The following SPATA20 variants were observed in gnomAD, a reference collection of about 807,000 sequenced individuals.
The protein encoded by SPATA20 is spermatogenesis-associated protein 20.
Under a neutral mutation model 98.9 loss-of-function variants are expected in SPATA20, and 74 were observed. That is an observed-to-expected ratio of 0.75 (90% CI 0.62 to 0.91). SPATA20 has a LOEUF of 0.91. Ranked by LOEUF, SPATA20 falls within the 40% of genes least tolerant of loss-of-function variation. The pLI is 0.00. For missense variants in SPATA20, 1,016 were observed against 1,069.8 expected, an observed-to-expected ratio of 0.95 and a Z score of 0.70; for synonymous variants, 430 against 440.5, an observed-to-expected ratio of 0.98 and a Z score of 0.30.
At position 50,555,355 on chromosome 17, in the gene SPATA20, G is replaced by GC. The variant is rs1173617157; in HGVS notation, c.2238+48dup. The GC allele has an allele frequency of 1.9e-6, 3 of 1,598,906 alleles. No homozygotes were observed. The African/African-American group carries it at 4.0e-5, about 21-fold the overall frequency. ...CCCAATCTGCCACCTCCCCAGAGCT[G>GC]CCCCCTCCCATCCTCAGCTCCTCAA... On this transcript the variant is annotated intron_variant, in intron 16 of 16. Coordinates refer to ENST00000006658, the MANE Select transcript of SPATA20 (RefSeq NM_022827.4).
intron 2 of SPATA20, 199 bp from the exon 3 acceptor site, chr17:50,548,084 A>T: frequency 6.6e-7 from 1 of 1,505,324 alleles, no homozygotes; most frequent in Non-Finnish European, 8.8e-7. Context: ...AGGAGCCCCC[A>T]ATGAGCCACC....
intron 14 of SPATA20, among the ~76,000 whole-genome samples, chr17:50,553,404 G>A (rs2035045847): frequency 6.6e-6 from 1 of 151,992 alleles, no homozygotes; most frequent in East Asian, 1.9e-4. Flanking sequence ...GAGGGGCCAT[G>A]TGGCCATGGA....
chr17:50,550,310 C>A lies in SPATA20; in HGVS notation c.1096C>A (p.Gln366Lys). Residue 366 changes from glutamine to lysine, a missense_variant and splice_region_variant, in exon 9 of 17, where the codon CAG becomes AAG. Physicochemically the swap from Gln to Lys is moderately conservative, Grantham distance 53. Transcript: ENST00000006658. ...QLAVAYSQAFQLSGDEFYSDV... is the reference protein window; with the variant it reads ...QLAVAYSQAFKLSGDEFYSDV... Reference sequence around the variant, plus strand: ...CGCTGTGGCCTATTCGCAGGCCTTCCAGGTGACCCCTGACCCCAGCCCAGA... The same window carrying A: ...CGCTGTGGCCTATTCGCAGGCCTTCAAGGTGACCCCTGACCCCAGCCCAGA... The A allele has an allele frequency of 6.3e-7, 1 of 1,578,542 alleles. No individual in the cohort carries two copies. Among genetic ancestry groups the A allele is most frequent in the South Asian group, 1.2e-5 (1 of 85,792 alleles).
In SPATA20 at chr17:50,555,707, A is replaced by G. The variant is rs1428179576; in HGVS notation, c.*45A>G. 7.7e-6 allele frequency: 12 copies of G among 1,563,446 alleles called. No individual in the cohort carries two copies. The East Asian group carries it at 9.0e-5, about 12-fold the overall frequency. On this transcript the variant is annotated 3_prime_UTR_variant, in exon 17 of 17. Coordinates refer to ENST00000006658, the MANE Select transcript of SPATA20 (RefSeq NM_022827.4). The stretch of plus-strand genomic sequence containing the variant: ...GTGGGGCAGAAGGTGAAGCATCCCA[A>G]CTGACTAGAGACTCAGGCCCTGCAG...
In SPATA20 at chr17:50,548,589, G is replaced by A; in HGVS notation, c.332G>A (p.Arg111Lys). The A allele has an allele frequency of 6.2e-7, 1 of 1,613,626 alleles. No individual in the cohort carries two copies. The highest frequency in any genetic ancestry group is 1.1e-5 in the South Asian group (1 of 91,070). ...GGACAGGAAGCCTTCGACAAGGCCA[G>A]GAAGGAAAACAAGCCGATTTTCCTC... Reference protein sequence around the residue: ...PWGQEAFDKARKENKPIFLSV... With the variant: ...PWGQEAFDKAKKENKPIFLSV... Residue 111 changes from arginine (R) to lysine (K), a missense_variant, in exon 4 of 17, where the codon AGG becomes AAG. Arg to Lys is a conservative substitution (Grantham distance 26). Transcript: ENST00000006658.
In SPATA20 at chr17:50,547,727, G is replaced by A; in HGVS notation, c.85G>A (p.Gly29Arg). ...AGGTCTCTGATTCCCTAGGTGTCCTGGAGTCTGGCCCAGGACCTGGCCCCA... is the reference window on the plus strand; with the variant it reads ...AGGTCTCTGATTCCCTAGGTGTCCTAGAGTCTGGCCCAGGACCTGGCCCCA... ...AGLAASRRCP[G>R]VWPRTWPHRS... The change falls in exon 2 of 17, where the codon GGA becomes AGA. Residue 29 changes from glycine to arginine, a missense_variant. Physicochemically the swap from Gly to Arg is moderately radical, Grantham distance 125. Transcript: ENST00000006658. The A allele has an allele frequency of 1.3e-6, 1 of 781,382 alleles. No individual in the cohort carries two copies. The highest frequency in any genetic ancestry group is 2.4e-6 in the Non-Finnish European group (1 of 418,558). The allele number at this position is 781,382 out of a possible 1,614,324, so 48.4% of individuals were successfully genotyped here. A position where few individuals can be genotyped will look rare whatever the true frequency, so the allele number is the denominator to read the frequency against.
At chr17:50,551,226 G>T (rs746385212) in intron 12 of SPATA20, 36 bp downstream of exon 12, 1 of 1,558,552 alleles carries the variant, frequency 6.4e-7, no homozygotes, top group Non-Finnish European at 8.7e-7. Context: ...CCTGTCTGTA[G>T]GATCCCCCTT....
chr17:50,550,181 C>G (rs2034988541), intron 8 of SPATA20, 27 bp from the exon 9 acceptor site: 1 of 1,611,836 alleles, frequency 6.2e-7, no homozygotes, highest in Non-Finnish European at 8.5e-7. Context: ...GAAGCTGGGA[C>G]TGGCCTCCAG....
chr17:50,552,051 A>G lies in SPATA20; in HGVS notation c.1828A>G (p.Ser610Gly). 6.2e-7 allele frequency: 1 copy of G among 1,613,782 alleles called. No homozygotes were observed. The highest frequency in any genetic ancestry group is 8.5e-7 in the Non-Finnish European group (1 of 1,179,958). ...LLDLYEASQE[S>G]AWLEWALRLQ... ...GGACCTGTATGAGGCCTCACAGGAGAGTGCGTGGCTCGAGTGGGCTCTGCG... is the reference window on the plus strand; with the variant it reads ...GGACCTGTATGAGGCCTCACAGGAGGGTGCGTGGCTCGAGTGGGCTCTGCG... The change falls in exon 14 of 17, where the codon AGT becomes GGT. Residue 610 changes from serine to glycine, a missense_variant. Transcript: ENST00000006658.
chr17:50,550,151 GGGGGC>G (rs1194153997), intron 8 of SPATA20, 36 bp downstream of exon 8: 1 of 1,612,290 alleles, frequency 6.2e-7, no homozygotes. Flanking sequence ...AGGGGCAGCA[GGGGGC>G]TGTGGGGTGG....
intron 9 of SPATA20, 48 bp downstream of exon 9, chr17:50,550,360 C>A (rs2034991897): frequency 2.7e-6 from 4 of 1,474,600 alleles, no homozygotes; most frequent in South Asian, 1.2e-5. Context: ...CTCTGGCTGC[C>A]CCTCCCAAGG....
rs547089764 is a variant in SPATA20, at chr17:50,549,393, C to T, written c.768C>T (p.Ala256=). 3.1e-4 allele frequency: 500 copies of T among 1,612,626 alleles called. 7 individuals are homozygous for T. In the South Asian group the frequency reaches 4.4e-3, roughly 14 times the overall value. The change falls in exon 7 of 17, where the codon GCC becomes GCT. Residue 256 remains alanine (A), a synonymous_variant. Transcript: ENST00000006658. The stretch of plus-strand genomic sequence containing the variant: ...GTGACCGCCAGCTGCCGCCCTCTGC[C>T]GCCACCGTGAACAATCGCTGCTTCC... The part of the protein sequence containing the change: ...SVGDRQLPPS[A]ATVNNRCFQQ...
intron 15 of SPATA20, 107 bp downstream of exon 15, chr17:50,554,557 A>G (rs1483371249): frequency 1.1e-5 from 13 of 1,192,892 alleles, no homozygotes; most frequent in Non-Finnish European, 1.6e-5. Context: ...CCCAGAGCTC[A>G]GGTCTGTGTG....
At position 50,547,724 on chromosome 17, in the gene SPATA20, C is replaced by T. The variant is rs746703919; in HGVS notation, c.82C>T (p.Pro28Ser). The T allele has an allele frequency of 7.7e-6, 6 of 781,204 alleles. No homozygotes were observed. Among genetic ancestry groups the T allele is most frequent in the South Asian group, 6.7e-5 (5 of 74,630 alleles). 48.4% of individuals were successfully genotyped at this position (781,204 alleles called of 1,614,324 possible). Residue 28 changes from proline (P) to serine (S), a missense_variant, in exon 2 of 17, where the codon CCT becomes TCT. Pro to Ser is a moderately conservative substitution (Grantham distance 74). Transcript: ENST00000006658. The part of the protein sequence containing the change: ...GAGLAASRRC[P>S]GVWPRTWPHR... ...CTGAGGTCTCTGATTCCCTAGGTGT[C>T]CTGGAGTCTGGCCCAGGACCTGGCC...
Position 50,555,597 on chromosome 17 carries a change from G to A in SPATA20, c.2344G>A (p.Glu782Lys), listed in dbSNP as rs144872840. 3.8e-5 allele frequency: 62 copies of A among 1,613,978 alleles called. No individual in the cohort carries two copies. Among genetic ancestry groups the A allele is most frequent in the Non-Finnish European group, 4.9e-5 (58 of 1,179,998 alleles). The change falls in exon 17 of 17, where the codon GAG becomes AAG. Residue 782 changes from glutamate (E) to lysine (K), a missense_variant. Coordinates refer to ENST00000006658, the MANE Select transcript of SPATA20 (RefSeq NM_022827.4). The stretch of plus-strand genomic sequence containing the variant: ...AGACCAGGCCACTGCATATGTGTGT[G>A]AGAATCAAGCCTGCTCAGTGCCCAT... ...LEDQATAYVC[E>K]NQACSVPITD...
rs770937327 is a variant in SPATA20, at chr17:50,550,878, C to T, written c.1344C>T (p.His448=). 1.9e-6 allele frequency: 3 copies of T among 1,613,150 alleles called. No homozygotes were observed. The highest frequency in any genetic ancestry group is 2.2e-5 in the East Asian group (1 of 44,892). The change falls in exon 11 of 17, where the codon CAC becomes CAT. Residue 448 remains histidine, a synonymous_variant. Coordinates refer to ENST00000006658, the MANE Select transcript of SPATA20 (RefSeq NM_022827.4). ...PLTSGQLLMK[H]YGLTEAGNIS... ...CCTCAGGCCAGCTCCTCATGAAGCACTACGGCCTCACAGAGGCTGGTAACA... is the reference window on the plus strand; with the variant it reads ...CCTCAGGCCAGCTCCTCATGAAGCATTACGGCCTCACAGAGGCTGGTAACA...
At position 50,551,539 on chromosome 17, in the gene SPATA20, T is replaced by C. The variant is rs1422598745; in HGVS notation, c.1605T>C (p.Thr535=). Reference sequence around the variant, plus strand: ...TGATGGTGTCAGGCTATGCTGTGACTGGGGCTGTCCTGGGCCAAGACAGGC... The same window carrying C: ...TGATGGTGTCAGGCTATGCTGTGACCGGGGCTGTCCTGGGCCAAGACAGGC... The part of the protein sequence containing the change: ...NGLMVSGYAV[T]GAVLGQDRLI... Residue 535 remains threonine (T), a synonymous_variant, in exon 13 of 17, where the codon ACT becomes ACC. Coordinates refer to ENST00000006658, the MANE Select transcript of SPATA20 (RefSeq NM_022827.4). The C allele has an allele frequency of 1.3e-6, 2 of 1,599,012 alleles. No homozygotes were observed. Among genetic ancestry groups the C allele is most frequent in the Admixed American group, 1.7e-5 (1 of 59,784 alleles).
At chr17:50,547,518 G>T (rs2034932749) in intron 1 of SPATA20, 1 of 661,238 alleles carries the variant, frequency 1.5e-6, no homozygotes, top group East Asian at 2.7e-5. Flanking sequence ...CCAGTGCAGT[G>T]CCAGCTCCTC....
chr17:50,547,293 C>T lies in SPATA20; in HGVS notation c.77+8C>T. The stretch of plus-strand genomic sequence containing the variant: ...CCTCGCCGCGAGCCGCAGGTACGGG[C>T]GGGCGAGCGGGCCCCTAGGGCACTC... On this transcript the variant is annotated splice_region_variant and intron_variant, in intron 1 of 16. Coordinates refer to ENST00000006658, the MANE Select transcript of SPATA20 (RefSeq NM_022827.4). The T allele has an allele frequency of 7.3e-7, 1 of 1,378,288 alleles. No homozygotes were observed. Among genetic ancestry groups the T allele is most frequent in the Non-Finnish European group, 9.3e-7 (1 of 1,073,372 alleles). The allele number at this position is 1,378,288 out of a possible 1,614,324, so 85.4% of individuals were successfully genotyped here.
Sources: allele counts gnomAD v4.1 joint callset (sites outside exome capture counted in the v4.1 genomes callset), GRCh38; gene constraint gnomAD v4.1.1; transcripts MANE v1.5; gene names NCBI Gene and HGNC (gene_info 2026-07-23, HGNC 2026-07-21).